Variants in B4GALT1 observed in about 807,000 individuals in gnomAD.
B4GALT1 encodes the protein beta-1,4-galactosyltransferase 1.
In B4GALT1, 16 loss-of-function variants were observed where a neutral mutation model predicts 34.9. That is an observed-to-expected ratio of 0.46 (90% confidence interval 0.31 to 0.70). The LOEUF is 0.70. B4GALT1 is among the 30% of genes least tolerant of loss of function. The pLI is 0.05. For synonymous variants in B4GALT1, 221 were observed against 218.1 expected (o/e 1.01, Z -0.12); for missense variants, 445 against 530.5 (o/e 0.84, Z 1.58).
At chr9:33,113,628 A>C in intron 5 of B4GALT1, 42 bp from the exon 6 acceptor site, 1 of 1,613,808 alleles carries the variant, frequency 6.2e-7, no homozygotes, top group Non-Finnish European at 8.5e-7. Flanking sequence ...TAAAACAAAA[A>C]TCTTAAGAAG....
At chr9:33,148,644 T>C (rs933759485) in intron 1 of B4GALT1, among the ~76,000 whole-genome samples, 1 of 152,200 alleles carries the variant, frequency 6.6e-6, no homozygotes, top group Admixed American at 6.5e-5. Flanking sequence ...GCAACGTGGA[T>C]GGACCTTAAA....
chr9:33,114,235 G>C (rs1480360421), intron 4 of B4GALT1, among the ~76,000 whole-genome samples: 3 of 152,254 alleles, frequency 2.0e-5, no homozygotes, highest in South Asian at 2.1e-4. Flanking sequence ...GAAGCATAGA[G>C]TTTGTAACCT....
At chr9:33,176,634 G>A in the B4GALT1 span, among the ~76,000 whole-genome samples, 3 of 152,124 alleles carry the variant, frequency 2.0e-5, no homozygotes, top group South Asian at 2.1e-4. Flanking sequence ...TGTTCTCACC[G>A]ATAAGTGGGA....
downstream of B4GALT1, among the ~76,000 whole-genome samples, chr9:33,107,868 G>A (rs1226699837): frequency 6.6e-6 from 1 of 152,080 alleles, no homozygotes; most frequent in Non-Finnish European, 1.5e-5. Flanking sequence ...AAGGGTGGGG[G>A]AAACACTGTT....
chr9:33,149,587 A>C (rs1370114915), intron 1 of B4GALT1, among the ~76,000 whole-genome samples: 1 of 152,172 alleles, frequency 6.6e-6, no homozygotes, highest in Non-Finnish European at 1.5e-5. Flanking sequence ...GCCCGGCCAG[A>C]TAGTTTTAAT....
chr9:33,117,322 A>C (rs1390117493), intron 3 of B4GALT1, among the ~76,000 whole-genome samples: 3 of 152,262 alleles, frequency 2.0e-5, no homozygotes, highest in African/African-American at 4.8e-5. Flanking sequence ...TGATGAACTT[A>C]TGTTTTAACA....
intron 2 of B4GALT1, among the ~76,000 whole-genome samples, chr9:33,133,100 G>T (rs1276334393): frequency 1.3e-5 from 2 of 151,970 alleles, no homozygotes; most frequent in Non-Finnish European, 2.9e-5. Context: ...ACGGGGTTTC[G>T]CCATGTTGGC....
chr9:33,135,890 A>AGTGTGGGTGT (rs1840262076), intron 1 of B4GALT1, among the ~76,000 whole-genome samples: 1 of 104,046 alleles, frequency 9.6e-6, no homozygotes, highest in African/African-American at 3.3e-5. Flanking sequence ...TAACTGGGGA[A>AGTGTGGGTGT]GTGTGTGTGT....
downstream of B4GALT1, among the ~76,000 whole-genome samples, chr9:33,109,594 GGA>G (rs548442161): frequency 1.6e-3 from 251 of 152,284 alleles, 1 homozygote; most frequent in African/African-American, 5.7e-3. Context: ...TGTGAGCCCA[GGA>G]GTTTCAGGCC....
chr9:33,123,647 G>A (rs1840053628), intron 2 of B4GALT1, among the ~76,000 whole-genome samples: 1 of 152,190 alleles, frequency 6.6e-6, no homozygotes, highest in African/African-American at 2.4e-5. Context: ...GCTCTTTGAG[G>A]CCATGTCTCT....
chr9:33,125,570 A>G (rs1177456160), intron 2 of B4GALT1, among the ~76,000 whole-genome samples: 1 of 152,170 alleles, frequency 6.6e-6, no homozygotes, highest in East Asian at 1.9e-4. Context: ...CCCAAGGGCC[A>G]AAGGCAGGGG....
At chr9:33,160,055 T>C (rs537417598) in intron 1 of B4GALT1, among the ~76,000 whole-genome samples, 25 of 152,370 alleles carry the variant, frequency 1.6e-4, no homozygotes, top group Non-Finnish European at 3.5e-4. Flanking sequence ...TCTAGACACA[T>C]TGTTCAGCAA....
the B4GALT1 span, among the ~76,000 whole-genome samples, chr9:33,178,103 C>A: frequency 6.6e-6 from 1 of 151,616 alleles, no homozygotes; most frequent in Non-Finnish European, 1.5e-5. Flanking sequence ...GTGATCCTCC[C>A]AACTCAGCCT....
the B4GALT1 span, among the ~76,000 whole-genome samples, chr9:33,174,782 C>A: frequency 1.2e-4 from 18 of 146,460 alleles, no homozygotes; most frequent in Non-Finnish European, 2.4e-4. Flanking sequence ...TATGGTGAAA[C>A]CCCGTCTCTA....
chr9:33,138,255 G>A (rs943493997), intron 1 of B4GALT1, among the ~76,000 whole-genome samples: 1 of 152,214 alleles, frequency 6.6e-6, no homozygotes, highest in African/African-American at 2.4e-5. Flanking sequence ...CCCCGGTCCA[G>A]CTCCACCAGT....
At chr9:33,182,835 T>C in the B4GALT1 span, among the ~76,000 whole-genome samples, 2 of 152,262 alleles carry the variant, frequency 1.3e-5, no homozygotes, top group South Asian at 4.1e-4. Context: ...TTATAATTTT[T>C]ATTGTGGAAA....
upstream of B4GALT1, among the ~76,000 whole-genome samples, chr9:33,168,149 C>G (rs1242042084): frequency 2.6e-5 from 4 of 152,162 alleles, no homozygotes; most frequent in Non-Finnish European, 4.4e-5. Flanking sequence ...GCAGTTCTCC[C>G]CATGTCGTAG....
chr9:33,145,462 G>A (rs928054851), intron 1 of B4GALT1, among the ~76,000 whole-genome samples: 22 of 152,236 alleles, frequency 1.4e-4, no homozygotes, highest in African/African-American at 4.1e-4. Context: ...GGATGCTCTC[G>A]CCAAGGGTAT....
chr9:33,160,389 CTG>C (rs1472639627), intron 1 of B4GALT1, among the ~76,000 whole-genome samples: 1 of 152,148 alleles, frequency 6.6e-6, no homozygotes, highest in Non-Finnish European at 1.5e-5. Flanking sequence ...AGGGTCAAGT[CTG>C]TGACAGAATC....
Sources: gnomAD v4.1 joint callset for allele counts (sites outside exome capture counted in the v4.1 genomes callset) on GRCh38, gnomAD v4.1.1 for gene constraint, MANE v1.5 for transcripts, NCBI Gene and HGNC (gene_info 2026-07-23, HGNC 2026-07-21) for gene names.